Variants in SQSTM1 observed in about 807,000 individuals in gnomAD.
SQSTM1 encodes sequestosome 1.
Under a neutral mutation model 45.1 loss-of-function variants are expected in SQSTM1, and 36 were observed. The ratio of observed to expected loss-of-function variants is 0.80; its 90% confidence interval spans 0.61 to 1.05. The LOEUF is 1.05. Among genes scored for constraint, SQSTM1 ranks in the 50% least tolerant of loss-of-function variants. The probability of loss-of-function intolerance (pLI) is 0.00; values close to 1 mark genes in which losing one functional copy is unlikely to be tolerated. For missense variants in SQSTM1, 617 were observed against 607.1 expected (o/e 1.02, Z -0.17); for synonymous variants, 290 against 244.3 (o/e 1.19, Z -1.74).
intron 5 of SQSTM1, among the ~76,000 whole-genome samples, chr5:179,828,476 C>T (rs576354546): frequency 2.0e-5 from 3 of 148,602 alleles, no homozygotes; most frequent in South Asian, 2.1e-4. Context: ...CGGGTTCAAG[C>T]GATTCTCCTG....
In SQSTM1 at chr5:179,822,993, G is replaced by C. The variant is rs368853286; in HGVS notation, c.241G>C (p.Glu81Gln). Residue 81 changes from glutamate to glutamine, a missense_variant, in exon 2 of 8, where the codon GAG becomes CAG. Coordinates refer to ENST00000389805, the MANE Select transcript of SQSTM1 (RefSeq NM_003900.5). ...GGACTTGGTTGCCTTTTCCAGTGAC[G>C]AGGAATTGACAATGGCCATGTCCTA... Reference protein sequence around the residue: ...DGDLVAFSSDEELTMAMSYVK... With the variant: ...DGDLVAFSSDQELTMAMSYVK... 6.2e-7 allele frequency: 1 copy of C among 1,614,058 alleles called. No homozygotes were observed. Among genetic ancestry groups the C allele is most frequent in the Admixed American group, 1.7e-5 (1 of 60,008 alleles).
At chr5:179,810,511 A>G (rs1407335363) in intron 1 of SQSTM1, among the ~76,000 whole-genome samples, 1 of 152,140 alleles carries the variant, frequency 6.6e-6, no homozygotes. Context: ...AATCCAGTCT[A>G]TCATTGATGG....
At chr5:179,808,616 G>A (rs1310368042) in intron 1 of SQSTM1, among the ~76,000 whole-genome samples, 2 of 151,130 alleles carry the variant, frequency 1.3e-5, no homozygotes, top group Non-Finnish European at 3.0e-5. Flanking sequence ...AGGAGATCGA[G>A]ACCATCCTGG....
At chr5:179,810,204 G>C (rs1757355006) in intron 1 of SQSTM1, among the ~76,000 whole-genome samples, 1 of 152,092 alleles carries the variant, frequency 6.6e-6, no homozygotes, top group Admixed American at 6.6e-5. Flanking sequence ...GTGCCCGGTT[G>C]GTATGCTGCA....
At chr5:179,832,737 C>CA (rs1241944032) in intron 5 of SQSTM1, among the ~76,000 whole-genome samples, 1 of 152,170 alleles carries the variant, frequency 6.6e-6, no homozygotes, top group Non-Finnish European at 1.5e-5. Context: ...ATCATGGGCC[C>CA]ACCAAGAATG....
At position 179,828,408 on chromosome 5, in the gene SQSTM1, T is replaced by C. The variant is rs185002617; in HGVS notation, c.754+3182T>C. 1.5e-3 allele frequency among the ~76,000 whole-genome samples: 228 copies of C among 149,360 alleles called. 3 individuals are homozygous for C. In the East Asian group the frequency reaches 0.03, roughly 20 times the overall value. On this transcript the variant is annotated intron_variant, in intron 5 of 7. Transcript: ENST00000389805. The stretch of plus-strand genomic sequence containing the variant: ...TTTTTTTTGAGACAGACTTTTGCTC[T>C]TGTTGTCCAGGCTGGAGTGCAATGG...
At position 179,833,049 on chromosome 5, in the gene SQSTM1, G is replaced by C; in HGVS notation, c.772G>C (p.Asp258His). ...LSPLGIEVDI[D>H]VEHGGKRSRL... is the part of the protein sequence containing the mutation. ...GCCTCTAGGCATTGAAGTTGATATCGATGTGGAGCACGGAGGGAAAAGAAG... is the reference window on the plus strand; with the variant it reads ...GCCTCTAGGCATTGAAGTTGATATCCATGTGGAGCACGGAGGGAAAAGAAG... The change falls in exon 6 of 8, where the codon GAT (aspartate) becomes CAT (histidine). Residue 258 changes from aspartate (D) to histidine (H), a missense_variant. Coordinates refer to ENST00000389805, the MANE Select transcript of SQSTM1 (RefSeq NM_003900.5). The C allele has an allele frequency of 3.1e-6, 5 of 1,614,098 alleles. No individual in the cohort carries two copies. The South Asian group carries it at 4.4e-5, about 14-fold the overall frequency.
chr5:179,837,965 T>C lies in SQSTM1; in HGVS notation c.*1372T>C. On this transcript the variant is annotated 3_prime_UTR_variant, in exon 8 of 8. Coordinates refer to ENST00000389805, the MANE Select transcript of SQSTM1 (RefSeq NM_003900.5). ...GAGGACCGCCTGCCCTGCCTGGGCC[T>C]TGGCTGGGCCTCTGGTTCTGACACT... 1.5e-6 allele frequency: 2 copies of C among 1,366,770 alleles called. No individual in the cohort carries two copies. Among genetic ancestry groups the C allele is most frequent in the Non-Finnish European group, 2.0e-6 (2 of 1,003,780 alleles). 84.7% of individuals were successfully genotyped at this position (1,366,770 alleles called of 1,614,324 possible). A position where few individuals can be genotyped will look rare whatever the true frequency, so the allele number is the denominator to read the frequency against.
Position 179,837,395 on chromosome 5 carries a change from A to G in SQSTM1, c.*802A>G, listed in dbSNP as rs776303445. The G allele has an allele frequency of 1.9e-6, 3 of 1,589,640 alleles. No individual in the cohort carries two copies. The highest frequency in any genetic ancestry group is 1.7e-6 in the Non-Finnish European group (2 of 1,166,192). On this transcript the variant is annotated 3_prime_UTR_variant, in exon 8 of 8. Transcript: ENST00000389805. Reference sequence around the variant, plus strand: ...TAATAACCTGCCAGTCCCAGATCACACATCATCATCGAAGTCTTCCCCAGT... The same window carrying G: ...TAATAACCTGCCAGTCCCAGATCACGCATCATCATCGAAGTCTTCCCCAGT...
chr5:179,811,971 A>ATT (rs1423127534), intron 2 of SQSTM1: 1 of 151,948 alleles, frequency 6.6e-6, no homozygotes, highest in Non-Finnish European at 1.5e-5. Context: ...CGCCCGGCTG[A>ATT]TTTTTTGTAT....
rs768333264 is a variant in SQSTM1, at chr5:179,837,114, C to CT, written c.*522dup. 115 of 1,103,370 alleles carry CT rather than the reference C, an allele frequency of 1.0e-4. No individual in the cohort carries two copies. The highest frequency in any genetic ancestry group is 1.4e-4 in the Non-Finnish European group (108 of 753,490). The allele number at this position is 1,103,370 out of a possible 1,614,324, so 68.3% of individuals were successfully genotyped here. Reference sequence around the variant, plus strand: ...AAGGGCATCCGCAATGTTGGTTTCACTGAGAGCTGCCTCCTGGTCTCTTCA... The same window carrying CT: ...AAGGGCATCCGCAATGTTGGTTTCACTTGAGAGCTGCCTCCTGGTCTCTTCA... On this transcript the variant is annotated 3_prime_UTR_variant, in exon 8 of 8. Transcript: ENST00000389805.
chr5:179,833,556 T>C, intron 6 of SQSTM1, 31 bp from the exon 7 acceptor site: 1 of 1,613,342 alleles, frequency 6.2e-7, no homozygotes, highest in South Asian at 1.1e-5. Flanking sequence ...TGCGCGTGTC[T>C]CCTGTGTGCT....
upstream of SQSTM1, among the ~76,000 whole-genome samples, chr5:179,818,633 C>T (rs1757654639): frequency 2.0e-5 from 3 of 152,214 alleles, no homozygotes; most frequent in Admixed American, 2.0e-4. Context: ...CTGCCCTCCC[C>T]ACTCTTCCAC....
At chr5:179,810,774 C>A (rs962431716) in intron 1 of SQSTM1, among the ~76,000 whole-genome samples, 2 of 152,216 alleles carry the variant, frequency 1.3e-5, no homozygotes, top group African/African-American at 4.8e-5. Flanking sequence ...CTCTCCAGCA[C>A]CTGTTGTTTC....
chr5:179,817,161 C>T (rs1757606470), upstream of SQSTM1, among the ~76,000 whole-genome samples: 5 of 152,210 alleles, frequency 3.3e-5, no homozygotes, highest in Admixed American at 3.3e-4. Flanking sequence ...GGTTCGGGTC[C>T]AGTCTCCTCC....
intron 1 of SQSTM1, among the ~76,000 whole-genome samples, chr5:179,811,303 G>C (rs116013278): frequency 0.012 from 1,789 of 149,146 alleles, 32 homozygotes; most frequent in African/African-American, 0.039. Flanking sequence ...TAGAGCCACA[G>C]AAGCTCTGCA....
At position 179,821,084 on chromosome 5, in the gene SQSTM1, C is replaced by G. The variant is rs1459103453; in HGVS notation, c.148C>G (p.Arg50Gly). ...GGGACCCTGCGAGCGGCTGCTGAGCCGGGTGGCCGCCCTGTTCCCCGCGCT... is the reference window on the plus strand; with the variant it reads ...GGGACCCTGCGAGCGGCTGCTGAGCGGGGTGGCCGCCCTGTTCCCCGCGCT... Reference protein sequence around the residue: ...GPGPCERLLSRVAALFPALRP... With the variant: ...GPGPCERLLSGVAALFPALRP... The change falls in exon 1 of 8, where the codon CGG becomes GGG. Residue 50 changes from arginine to glycine, a missense_variant. Coordinates refer to ENST00000389805, the MANE Select transcript of SQSTM1 (RefSeq NM_003900.5). The G allele has an allele frequency of 2.0e-6, 3 of 1,468,338 alleles. No homozygotes were observed. Among genetic ancestry groups the G allele is most frequent in the Admixed American group, 2.4e-5 (1 of 42,498 alleles). 91.0% of individuals were successfully genotyped at this position (1,468,338 alleles called of 1,614,324 possible).
rs1156887717 is a variant in SQSTM1, at chr5:179,806,454, G to A, written c.-294G>A. On this transcript the variant is annotated 5_prime_UTR_variant, in exon 1 of 6. Coordinates refer to the SQSTM1 transcript ENST00000514093. The surrounding 1 kb of genome is among the most constrained non-coding windows in gnomAD (Gnocchi z 4.6). ...GCTCCCGCCGCCGACGCCCAGGTGC[G>A]CCAGGTGCGGGCCGGGCGGGGGTCG... 2.5e-6 allele frequency: 3 copies of A among 1,214,520 alleles called. No individual in the cohort carries two copies. The highest frequency in any genetic ancestry group is 2.1e-6 in the Non-Finnish European group (2 of 951,006). 75.2% of individuals were successfully genotyped at this position (1,214,520 alleles called of 1,614,324 possible).
At chr5:179,825,297 T>A in intron 5 of SQSTM1, 71 bp downstream of exon 5, 1 of 1,271,634 alleles carries the variant, frequency 7.9e-7, no homozygotes, top group Non-Finnish European at 1.1e-6. Flanking sequence ...CCTGGAATAC[T>A]GCAAAGGAAT....
Sources: allele counts gnomAD v4.1 joint callset (sites outside exome capture counted in the v4.1 genomes callset), GRCh38; gene constraint gnomAD v4.1.1; non-coding constraint Gnocchi (gnomAD v3.1); transcripts MANE v1.5; gene names NCBI Gene and HGNC (gene_info 2026-07-23, HGNC 2026-07-21).